The following SLC28A3 variants were observed in gnomAD, a reference collection of about 807,000 sequenced individuals.
SLC28A3 encodes concentrative Na(+)-nucleoside cotransporter 3.
In SLC28A3, 68 loss-of-function variants were observed where a neutral mutation model predicts 84.2. The observed-to-expected ratio is 0.81, with a 90% CI of 0.66 to 0.99. SLC28A3 has a LOEUF of 0.99. SLC28A3 is among the 50% of genes least tolerant of loss of function. The pLI is 0.00. For missense variants in SLC28A3, 712 were observed against 841.5 expected (o/e 0.85, Z 1.90); for synonymous variants, 267 against 303.6 (o/e 0.88, Z 1.25).
intron 8 of SLC28A3, 33 bp downstream of exon 8, chr9:84,297,185 TAGC>T: frequency 4.5e-6 from 7 of 1,560,448 alleles, no homozygotes; most frequent in Non-Finnish European, 6.1e-6. Context: ...GCCGCTGAAA[TAGC>T]AGCGACTACA....
intron 5 of SLC28A3, among the ~76,000 whole-genome samples, chr9:84,301,942 C>T (rs568144279): frequency 6.6e-6 from 1 of 152,272 alleles, no homozygotes. Context: ...ATCTTTTGGA[C>T]AACATTTTAT....
the SLC28A3 span, among the ~76,000 whole-genome samples, chr9:84,367,900 G>T: frequency 6.6e-6 from 1 of 152,192 alleles, no homozygotes; most frequent in Non-Finnish European, 1.5e-5. Context: ...AGAATGAATG[G>T]TCGGCTTCAC....
At chr9:84,328,379 G>T (rs944342401) in intron 1 of SLC28A3, among the ~76,000 whole-genome samples, 2 of 151,178 alleles carry the variant, frequency 1.3e-5, no homozygotes, top group Non-Finnish European at 2.9e-5. Context: ...GCTCATGCCT[G>T]TAATCCCAGC....
intron 1 of SLC28A3, among the ~76,000 whole-genome samples, chr9:84,324,865 T>G (rs1424365924): frequency 7.2e-5 from 11 of 152,080 alleles, no homozygotes; most frequent in Non-Finnish European, 1.6e-4. Context: ...TTGGCCCCTT[T>G]TGGACTACAG....
At chr9:84,315,142 T>C (rs950115723) in intron 1 of SLC28A3, among the ~76,000 whole-genome samples, 1 of 152,176 alleles carries the variant, frequency 6.6e-6, no homozygotes, top group Non-Finnish European at 1.5e-5. Context: ...GATGACAGAA[T>C]GTTGCTAATT....
At chr9:84,357,172 AG>A in the SLC28A3 span, among the ~76,000 whole-genome samples, 2 of 152,188 alleles carry the variant, frequency 1.3e-5, no homozygotes, top group African/African-American at 4.8e-5. Context: ...GGGGTTTAAT[AG>A]ATATCAGTTT....
intron 4 of SLC28A3, among the ~76,000 whole-genome samples, chr9:84,303,316 T>G (rs995744327): frequency 6.6e-6 from 1 of 152,118 alleles, no homozygotes; most frequent in African/African-American, 2.4e-5. Context: ...TCCCTCTCCC[T>G]CTTTAGAGTT....
chr9:84,335,159 A>T (rs534352751), intron 1 of SLC28A3, among the ~76,000 whole-genome samples: 4 of 152,174 alleles, frequency 2.6e-5, no homozygotes, highest in African/African-American at 7.2e-5. Context: ...CTTCATGAAG[A>T]TGCCTGGAGT....
intron 1 of SLC28A3, among the ~76,000 whole-genome samples, chr9:84,320,081 G>C (rs1475210108): frequency 1.0e-5 from 1 of 97,538 alleles, no homozygotes; most frequent in Non-Finnish European, 1.7e-5. Context: ...ACAGATTCTC[G>C]CTCTGATGCC....
At chr9:84,320,089 G>A (rs1163595204) in intron 1 of SLC28A3, among the ~76,000 whole-genome samples, 1 of 107,048 alleles carries the variant, frequency 9.3e-6, no homozygotes, top group East Asian at 2.9e-4. Flanking sequence ...TCGCTCTGAT[G>A]CCTAGGCTGG....
chr9:84,286,182 T>A lies in SLC28A3; in HGVS notation c.1281-71A>T, dbSNP rs1046558466. Reference sequence around the variant, plus strand: ...GGGATGGACACCATTGGTGCAGAAGTAGCATAATCAGAGCTTAGATAAGAG... The same window carrying A: ...GGGATGGACACCATTGGTGCAGAAGAAGCATAATCAGAGCTTAGATAAGAG... On this transcript the variant is annotated intron_variant, in intron 12 of 17. Transcript: ENST00000376238. 4.1e-6 allele frequency: 6 copies of A among 1,463,662 alleles called. No homozygotes were observed. In the African/African-American group the frequency reaches 7.0e-5, roughly 17 times the overall value. 90.7% of individuals were successfully genotyped at this position (1,463,662 alleles called of 1,614,324 possible).
intron 2 of SLC28A3, among the ~76,000 whole-genome samples, chr9:84,313,146 G>T (rs543273672): frequency 6.6e-6 from 1 of 152,304 alleles, no homozygotes; most frequent in East Asian, 1.9e-4. Flanking sequence ...CTTCCCATCA[G>T]GGAACTCTGA....
intron 2 of SLC28A3, among the ~76,000 whole-genome samples, chr9:84,310,036 T>C (rs901880220): frequency 1.3e-5 from 2 of 152,146 alleles, no homozygotes; most frequent in Non-Finnish European, 2.9e-5. Flanking sequence ...CCATCTCTGT[T>C]TTCAGCCAAG....
intron 1 of SLC28A3, among the ~76,000 whole-genome samples, chr9:84,315,920 A>T (rs1449485456): frequency 6.6e-6 from 1 of 152,196 alleles, no homozygotes; most frequent in African/African-American, 2.4e-5. Context: ...TCTCATGGTA[A>T]AATCTATCCC....
intron 6 of SLC28A3, among the ~76,000 whole-genome samples, chr9:84,298,808 C>A (rs1322783713): frequency 6.6e-6 from 1 of 152,184 alleles, no homozygotes; most frequent in African/African-American, 2.4e-5. Flanking sequence ...GCTCTCATTT[C>A]ATTGTAAAAG....
chr9:84,354,862 G>GA, the SLC28A3 span, among the ~76,000 whole-genome samples: 45 of 123,432 alleles, frequency 3.6e-4, no homozygotes, highest in South Asian at 1.3e-3. Context: ...GAGAAAAAAA[G>GA]AAAAAAAAAA....
At chr9:84,303,523 T>C (rs1208251206) in intron 4 of SLC28A3, among the ~76,000 whole-genome samples, 1 of 152,210 alleles carries the variant, frequency 6.6e-6, no homozygotes, top group Non-Finnish European at 1.5e-5. Context: ...TTTCACCATG[T>C]TGGTTAGGCT....
Position 84,297,944 on chromosome 9 carries a change from C to T in SLC28A3, c.745G>A (p.Gly249Arg). 2 of 1,610,088 alleles carry T rather than the reference C, an allele frequency of 1.2e-6. No individual in the cohort carries two copies. The highest frequency in any genetic ancestry group is 1.7e-4 in the Middle Eastern group (1 of 6,046). The change falls in exon 7 of 18, where the codon GGA becomes AGA. Residue 249 changes from glycine (G) to arginine (R), a missense_variant. Transcript: ENST00000376238. ...LGLLILRTDPGFIAFDWLGRQ... is the reference protein window; with the variant it reads ...LGLLILRTDPRFIAFDWLGRQ... Reference sequence around the variant, plus strand: ...CCCAACCAATCAAAAGCTATAAATCCAGGGTCAGTCCTTAGAATCAAGAGC... The same window carrying T: ...CCCAACCAATCAAAAGCTATAAATCTAGGGTCAGTCCTTAGAATCAAGAGC...
intron 3 of SLC28A3, among the ~76,000 whole-genome samples, 198 bp from the exon 4 acceptor site, chr9:84,305,543 C>T (rs1032442146): frequency 1.3e-5 from 2 of 152,178 alleles, no homozygotes; most frequent in Admixed American, 6.5e-5. Context: ...ATTCAGTGAT[C>T]ACCATCATTG....
Sources: gnomAD v4.1 joint callset for allele counts (sites outside exome capture counted in the v4.1 genomes callset) on GRCh38, gnomAD v4.1.1 for gene constraint, MANE v1.5 for transcripts, NCBI Gene and HGNC (gene_info 2026-07-23, HGNC 2026-07-21) for gene names.